PRIM2: variants seen among roughly 807,000 people sequenced by gnomAD.
PRIM2 encodes the protein DNA primase subunit 2.
PRIM2 carries 39 observed loss-of-function variants against 67.3 expected under a neutral mutation model. The ratio of observed to expected loss-of-function variants is 0.58; its 90% confidence interval spans 0.45 to 0.76. PRIM2 has a LOEUF of 0.76. PRIM2 is among the 30% of genes least tolerant of loss of function. The pLI, the probability that PRIM2 is intolerant of heterozygous loss-of-function variation, is 0.00. For synonymous variants in PRIM2, 143 were observed against 198.7 expected, an observed-to-expected ratio of 0.72 and a Z score of 2.36; for missense variants, 398 against 598.7, an observed-to-expected ratio of 0.66 and a Z score of 3.50.
chr6:57,558,957 C>T (rs1247842181), intron 10 of PRIM2, among the ~76,000 whole-genome samples: 1 of 151,822 alleles, frequency 6.6e-6, no homozygotes, highest in African/African-American at 2.4e-5. Context: ...GCAAGACTCC[C>T]TCTCTCCAAA....
At chr6:57,256,159 G>A in the PRIM2 span, among the ~76,000 whole-genome samples, 10 of 152,172 alleles carry the variant, frequency 6.6e-5, no homozygotes, top group Non-Finnish European at 1.3e-4. Context: ...CTTTTGTAAT[G>A]TAAAATTGTG....
At position 57,606,513 on chromosome 6, in the gene PRIM2, C is replaced by T. The variant is rs1291575492; in HGVS notation, c.1230+56C>T. 2.1e-4 allele frequency: 286 copies of T among 1,385,836 alleles called. 1 individual carries two copies. The highest frequency in any genetic ancestry group is 1.5e-3 in the Admixed American group (79 of 52,494). The allele number at this position is 1,385,836 out of a possible 1,614,324, so 85.8% of individuals were successfully genotyped here. A position where few individuals can be genotyped will look rare whatever the true frequency, so the allele number is the denominator to read the frequency against. On this transcript the variant is annotated intron_variant, in intron 12 of 13. Coordinates refer to ENST00000615550, the MANE Select transcript of PRIM2 (RefSeq NM_000947.5). Reference sequence around the variant, plus strand: ...GTAACGAGGCCTTAGATAGATCTCTCGGTTTTATTTAATGTTCTTGCAGTG... The same window carrying T: ...GTAACGAGGCCTTAGATAGATCTCTTGGTTTTATTTAATGTTCTTGCAGTG...
intron 5 of PRIM2, among the ~76,000 whole-genome samples, chr6:57,348,888 A>G (rs1295573397): frequency 6.6e-6 from 1 of 151,600 alleles, no homozygotes; most frequent in Non-Finnish European, 1.5e-5. Context: ...CTGGGACTAT[A>G]GGTGTGTGCC....
At chr6:57,537,329 T>C in intron 9 of PRIM2, 111 bp from the exon 10 acceptor site, 1 of 538,266 alleles carries the variant, frequency 1.9e-6, no homozygotes, top group Non-Finnish European at 3.1e-6. Flanking sequence ...CACTTTCTTA[T>C]GGTGTTTTTT....
intron 3 of PRIM2, among the ~76,000 whole-genome samples, chr6:57,323,602 A>C (rs539083182): frequency 6.6e-6 from 1 of 152,120 alleles, no homozygotes; most frequent in East Asian, 1.9e-4. Flanking sequence ...AGGGAGGGGA[A>C]CACCCCACAC....
chr6:57,623,198 G>A, intron 12 of PRIM2, among the ~76,000 whole-genome samples: 1 of 152,272 alleles, frequency 6.6e-6, no homozygotes, highest in South Asian at 2.1e-4. Flanking sequence ...ACTCAGAACT[G>A]CATTAAGGAA....
chr6:57,351,814 T>C (rs1768865674), intron 5 of PRIM2, among the ~76,000 whole-genome samples: 1 of 152,086 alleles, frequency 6.6e-6, no homozygotes, highest in Non-Finnish European at 1.5e-5. Context: ...AAAATAGTAT[T>C]TGCAACTGTG....
the PRIM2 span, among the ~76,000 whole-genome samples, chr6:57,292,519 A>T: frequency 6.6e-6 from 1 of 152,230 alleles, no homozygotes; most frequent in Admixed American, 6.5e-5. Flanking sequence ...TTGGAATCAA[A>T]AAAGAGCCCA....
At chr6:57,605,467 G>T (rs1776544210) in intron 11 of PRIM2, among the ~76,000 whole-genome samples, 2 of 152,202 alleles carry the variant, frequency 1.3e-5, no homozygotes, top group South Asian at 4.2e-4. Flanking sequence ...TTATTGGTCT[G>T]TTCAGATTTT....
At chr6:57,489,001 C>T in intron 7 of PRIM2, among the ~76,000 whole-genome samples, 1 of 152,312 alleles carries the variant, frequency 6.6e-6, no homozygotes, top group East Asian at 1.9e-4. Context: ...GAGATATGCG[C>T]AGCACAACTT....
chr6:57,434,368 A>G (rs1157145286), intron 7 of PRIM2, among the ~76,000 whole-genome samples: 2 of 152,064 alleles, frequency 1.3e-5, no homozygotes, highest in Non-Finnish European at 2.9e-5. Context: ...ATAATGCTTT[A>G]TTGAAACTCC....
At chr6:57,408,498 A>AT (rs1770976041) in intron 7 of PRIM2, among the ~76,000 whole-genome samples, 1 of 152,212 alleles carries the variant, frequency 6.6e-6, no homozygotes, top group Non-Finnish European at 1.5e-5. Flanking sequence ...GGGGGAGTAA[A>AT]TTGACAAATC....
chr6:57,592,982 G>T (rs1222440726), intron 10 of PRIM2, among the ~76,000 whole-genome samples: 2 of 152,084 alleles, frequency 1.3e-5, no homozygotes, highest in Admixed American at 1.3e-4. Context: ...GGTGGGCTTG[G>T]GATAGAAGAC....
chr6:57,510,841 G>A (rs1774350166), intron 8 of PRIM2, among the ~76,000 whole-genome samples: 1 of 151,904 alleles, frequency 6.6e-6, no homozygotes. Context: ...CTTTTGCTTA[G>A]TTCTAAATAG....
the PRIM2 span, among the ~76,000 whole-genome samples, chr6:57,222,908 G>T: frequency 6.6e-6 from 1 of 152,180 alleles, no homozygotes; most frequent in Non-Finnish European, 1.5e-5. Flanking sequence ...GTCTGCAAAA[G>T]GTGCATACCC....
chr6:57,447,108 C>G (rs77106652), intron 7 of PRIM2, among the ~76,000 whole-genome samples: 1 of 152,176 alleles, frequency 6.6e-6, no homozygotes, highest in Non-Finnish European at 1.5e-5. Context: ...TGCTTAAAAT[C>G]TTCTTTCTGC....
the PRIM2 span, among the ~76,000 whole-genome samples, chr6:57,266,430 T>C: frequency 2.0e-5 from 3 of 152,188 alleles, no homozygotes; most frequent in Non-Finnish European, 1.5e-5. Context: ...TATCAGAGTT[T>C]TCAATTTTAC....
intron 7 of PRIM2, among the ~76,000 whole-genome samples, chr6:57,446,415 C>CTTATTTTTTTTTTTTTT: frequency 2.3e-5 from 1 of 43,320 alleles, no homozygotes; most frequent in Admixed American, 1.9e-4. Flanking sequence ...GCACACGCCA[C>CTTATTTTTTTTTTTTTT]TTCTTTTTTT....
chr6:57,542,424 A>G (rs1204145124), intron 10 of PRIM2, among the ~76,000 whole-genome samples: 1 of 152,206 alleles, frequency 6.6e-6, no homozygotes, highest in Non-Finnish European at 1.5e-5. Flanking sequence ...TACCCTGAGT[A>G]CTAAGTCTTT....
Sources: gnomAD v4.1 joint callset for allele counts (sites outside exome capture counted in the v4.1 genomes callset) on GRCh38, gnomAD v4.1.1 for gene constraint, MANE v1.5 for transcripts, NCBI Gene and HGNC (gene_info 2026-07-23, HGNC 2026-07-21) for gene names.